Variants in ANO3 observed in about 807,000 individuals in gnomAD.
The protein encoded by ANO3 is anoctamin 3.
In ANO3, 99 loss-of-function variants were observed where a neutral mutation model predicts 144.8. That is an observed-to-expected ratio of 0.68 (90% CI 0.58 to 0.81). ANO3 has a LOEUF of 0.81. Ranked by LOEUF, ANO3 falls within the 30% of genes least tolerant of loss-of-function variation. The pLI is 0.00. For missense variants in ANO3, 905 were observed against 1,202.2 expected, an observed-to-expected ratio of 0.75 and a Z score of 3.66; for synonymous variants, 414 against 392.6, an observed-to-expected ratio of 1.05 and a Z score of -0.64.
At chr11:26,583,085 A>T (rs1851177652) in intron 14 of ANO3, among the ~76,000 whole-genome samples, 1 of 152,238 alleles carries the variant, frequency 6.6e-6, no homozygotes, top group Non-Finnish European at 1.5e-5. Flanking sequence ...TCTATTTAAT[A>T]TGCAAATGCC....
At chr11:26,643,828 C>T (rs375418850) in intron 23 of ANO3, among the ~76,000 whole-genome samples, 39 of 152,264 alleles carry the variant, frequency 2.6e-4, no homozygotes, top group African/African-American at 8.7e-4. Flanking sequence ...TCCACTTCCC[C>T]GTGGTGTGAG....
chr11:26,609,159 C>T (rs1447640472), intron 17 of ANO3, among the ~76,000 whole-genome samples: 1 of 152,070 alleles, frequency 6.6e-6, no homozygotes, highest in African/African-American at 2.4e-5. Context: ...GACTGGCTGC[C>T]TCCCTTGGCT....
chr11:26,618,265 A>G (rs1590637934), intron 17 of ANO3, among the ~76,000 whole-genome samples: 1 of 152,120 alleles, frequency 6.6e-6, no homozygotes, highest in East Asian at 1.9e-4. Context: ...CTGTTTCTGT[A>G]CATAGCCAGA....
At chr11:26,246,748 T>G (rs1590214228) in intron 1 of ANO3, among the ~76,000 whole-genome samples, 1 of 151,686 alleles carries the variant, frequency 6.6e-6, no homozygotes, top group Admixed American at 6.6e-5. Context: ...TGGGGGTGGG[T>G]TTTTCCTGTG....
chr11:26,516,634 G>A (rs1399649852), intron 5 of ANO3, among the ~76,000 whole-genome samples, 193 bp from the exon 6 acceptor site: 3 of 151,872 alleles, frequency 2.0e-5, no homozygotes, highest in African/African-American at 4.8e-5. Flanking sequence ...TCTTCTACAC[G>A]ATGTCATTAT....
At chr11:26,473,900 A>C in intron 4 of ANO3, 1 of 983,096 alleles carries the variant, frequency 1.0e-6, no homozygotes, top group Non-Finnish European at 1.2e-6. Flanking sequence ...ATCTTTAAAA[A>C]AAAATGATTA....
chr11:26,273,632 GCACACACA>G (rs3220654), intron 1 of ANO3, among the ~76,000 whole-genome samples: 18,014 of 140,206 alleles, frequency 0.13, 1,160 homozygotes, highest in African/African-American at 0.15. Flanking sequence ...TGTGGATATG[GCACACACA>G]CACACACACA....
intron 1 of ANO3, among the ~76,000 whole-genome samples, chr11:26,345,771 T>C (rs768638051): frequency 3.9e-5 from 6 of 152,242 alleles, no homozygotes; most frequent in Non-Finnish European, 7.3e-5. Flanking sequence ...GTAATTTAAC[T>C]TACTGTGTGC....
rs1454060076 is a variant in ANO3 at position 26,332,152 on chromosome 11, G to A, written c.-124G>A. On this transcript the variant is annotated 5_prime_UTR_variant, in exon 1 of 27. Coordinates refer to ENST00000256737, the MANE Select transcript of ANO3 (RefSeq NM_031418.4). ...CCTGGAGAGCGAAGTGCCGGCTACA[G>A]CAGGTGTCGGATTGCAGTGCGCTCG... The A allele has an allele frequency of 4.4e-6, 7 of 1,573,850 alleles. No individual in the cohort carries two copies.
chr11:26,224,254 G>A (rs888038898), intron 1 of ANO3, among the ~76,000 whole-genome samples: 1 of 152,178 alleles, frequency 6.6e-6, no homozygotes, highest in Non-Finnish European at 1.5e-5. Flanking sequence ...TGGATGCACA[G>A]GGCCAACAGG....
intron 1 of ANO3, among the ~76,000 whole-genome samples, chr11:26,365,404 C>T (rs1032728984): frequency 6.7e-6 from 1 of 149,262 alleles, no homozygotes; most frequent in Admixed American, 6.8e-5. Context: ...AGGCAGTGCC[C>T]TAGTGGGGAT....
chr11:26,531,870 C>T (rs1043487482), intron 8 of ANO3, among the ~76,000 whole-genome samples: 1 of 152,146 alleles, frequency 6.6e-6, no homozygotes, highest in Admixed American at 6.5e-5. Flanking sequence ...TTCATGTTTT[C>T]ATTCAACTAG....
At chr11:26,502,634 C>T (rs1326229247) in intron 4 of ANO3, among the ~76,000 whole-genome samples, 1 of 152,102 alleles carries the variant, frequency 6.6e-6, no homozygotes, top group Non-Finnish European at 1.5e-5. Context: ...TATCAGGCTT[C>T]TTCTGGATAC....
At chr11:26,656,797 A>G (rs1853703359) in intron 26 of ANO3, among the ~76,000 whole-genome samples, 1 of 152,152 alleles carries the variant, frequency 6.6e-6, no homozygotes, top group South Asian at 2.1e-4. Flanking sequence ...GATGATTTTC[A>G]TCATCCAATA....
intron 1 of ANO3, among the ~76,000 whole-genome samples, chr11:26,385,908 T>TATATATATATATATATATATACATAC (rs1310559300): frequency 6.7e-6 from 1 of 149,372 alleles, no homozygotes; most frequent in Non-Finnish European, 1.5e-5. Flanking sequence ...TATATTTATA[T>TATATATATATATATATATATACATAC]ACATATTTAC....
intron 1 of ANO3, among the ~76,000 whole-genome samples, chr11:26,320,513 G>T (rs1854732506): frequency 6.6e-6 from 1 of 152,124 alleles, no homozygotes; most frequent in Non-Finnish European, 1.5e-5. Context: ...AAGTAATCTA[G>T]ATCTTCGTTT....
chr11:26,639,694 G>A (rs1042736876), intron 21 of ANO3, among the ~76,000 whole-genome samples: 2 of 152,108 alleles, frequency 1.3e-5, no homozygotes, highest in Non-Finnish European at 2.9e-5. Flanking sequence ...TGTTCTCTTT[G>A]TTACAACTAA....
chr11:26,638,232 A>G (rs1233884578), intron 20 of ANO3, among the ~76,000 whole-genome samples: 3 of 152,184 alleles, frequency 2.0e-5, no homozygotes, highest in African/African-American at 7.2e-5. Flanking sequence ...AAAGGGAAAA[A>G]TGAGCAGCTT....
At chr11:26,255,234 C>G (rs569333216) in intron 1 of ANO3, among the ~76,000 whole-genome samples, 10 of 152,166 alleles carry the variant, frequency 6.6e-5, no homozygotes, top group African/African-American at 2.4e-4. Flanking sequence ...TTTTTTCTTT[C>G]TAATTTCACT....
Sources: allele counts gnomAD v4.1 joint callset (sites outside exome capture counted in the v4.1 genomes callset), GRCh38; gene constraint gnomAD v4.1.1; transcripts MANE v1.5; gene names NCBI Gene and HGNC (gene_info 2026-07-23, HGNC 2026-07-21).